The following GPC5 variants were observed in gnomAD, a reference collection of about 807,000 sequenced individuals.
GPC5 encodes the protein glypican-5.
In GPC5, 47 loss-of-function variants were observed where a neutral mutation model predicts 53.9. That is an observed-to-expected ratio of 0.87 (90% CI 0.69 to 1.11). GPC5 has a LOEUF of 1.11. GPC5 is among the 50% of genes most tolerant of loss of function. GPC5 has a pLI of 0.00. For missense variants in GPC5, 748 were observed against 713.1 expected, an observed-to-expected ratio of 1.05 and a Z score of -0.56; for synonymous variants, 286 against 263.3, an observed-to-expected ratio of 1.09 and a Z score of -0.84.
chr13:91,548,602 A>C (rs1463578256), intron 2 of GPC5, among the ~76,000 whole-genome samples: 1 of 152,216 alleles, frequency 6.6e-6, no homozygotes, highest in African/African-American at 2.4e-5. Flanking sequence ...AACATCAACC[A>C]ATTCTAAAGT....
intron 5 of GPC5, among the ~76,000 whole-genome samples, chr13:91,881,189 A>C (rs1232870106): frequency 6.6e-6 from 1 of 152,194 alleles, no homozygotes; most frequent in African/African-American, 2.4e-5. Context: ...TATTCTCTAA[A>C]CAAAAGGTGT....
chr13:92,272,271 AAC>A (rs2042845084), intron 7 of GPC5, among the ~76,000 whole-genome samples: 1 of 152,186 alleles, frequency 6.6e-6, no homozygotes, highest in East Asian at 1.9e-4. Context: ...GAAAGGTAGA[AAC>A]ACAGGAAAGA....
chr13:92,247,207 A>G (rs1036874844), intron 7 of GPC5, among the ~76,000 whole-genome samples: 12 of 152,192 alleles, frequency 7.9e-5, no homozygotes, highest in Non-Finnish European at 1.8e-4. Flanking sequence ...ATAATGTTAA[A>G]TACCTTTCAG....
At chr13:92,842,961 G>A (rs1878480772) in intron 7 of GPC5, among the ~76,000 whole-genome samples, 1 of 152,048 alleles carries the variant, frequency 6.6e-6, no homozygotes, top group Admixed American at 6.6e-5. Context: ...CAAATGAAAC[G>A]ACATAGATCC....
chr13:92,528,858 G>A (rs1327115907), intron 7 of GPC5, among the ~76,000 whole-genome samples: 1 of 151,720 alleles, frequency 6.6e-6, no homozygotes, highest in Non-Finnish European at 1.5e-5. Context: ...AATAGGGTTA[G>A]ACTATTTTCT....
At chr13:92,292,077 C>T (rs2043000702) in intron 7 of GPC5, among the ~76,000 whole-genome samples, 2 of 152,224 alleles carry the variant, frequency 1.3e-5, no homozygotes, top group South Asian at 4.1e-4. Flanking sequence ...TCTTTATCCA[C>T]TTGTTGATTG....
intron 6 of GPC5, among the ~76,000 whole-genome samples, chr13:92,108,774 ACT>A (rs1387551592): frequency 2.4e-4 from 37 of 151,732 alleles, no homozygotes; most frequent in Non-Finnish European, 4.0e-4. Flanking sequence ...CTCTCATCCT[ACT>A]CTGTTTCTAT....
intron 7 of GPC5, among the ~76,000 whole-genome samples, chr13:92,480,669 TG>T (rs1879313825): frequency 1.3e-5 from 2 of 152,194 alleles, no homozygotes; most frequent in South Asian, 4.1e-4. Flanking sequence ...AAAAACACTG[TG>T]GTAGATAGGA....
At chr13:92,551,550 G>A (rs1882312085) in intron 7 of GPC5, among the ~76,000 whole-genome samples, 1 of 151,838 alleles carries the variant, frequency 6.6e-6, no homozygotes, top group Non-Finnish European at 1.5e-5. Flanking sequence ...GAGCTATTAA[G>A]AGTCAGATAA....
At chr13:91,577,998 A>G (rs2032202306) in intron 2 of GPC5, among the ~76,000 whole-genome samples, 1 of 152,230 alleles carries the variant, frequency 6.6e-6, no homozygotes, top group African/African-American at 2.4e-5. Context: ...CTAGGCCATG[A>G]AAGATATTGT....
intron 7 of GPC5, among the ~76,000 whole-genome samples, chr13:92,635,660 T>A (rs931325729): frequency 5.9e-5 from 9 of 152,160 alleles, no homozygotes; most frequent in Non-Finnish European, 1.5e-5. Flanking sequence ...GGGAGAAAAA[T>A]TCACACTATA....
At chr13:91,997,385 C>T (rs960806196) in intron 6 of GPC5, among the ~76,000 whole-genome samples, 1 of 152,158 alleles carries the variant, frequency 6.6e-6, no homozygotes, top group Non-Finnish European at 1.5e-5. Context: ...AGCTTATTTT[C>T]CATCAGGTTT....
At chr13:91,727,279 C>T (rs1012867364) in intron 3 of GPC5, among the ~76,000 whole-genome samples, 4 of 152,152 alleles carry the variant, frequency 2.6e-5, no homozygotes, top group African/African-American at 4.8e-5. Flanking sequence ...AGTCTCATCC[C>T]GATGGATAGT....
intron 6 of GPC5, among the ~76,000 whole-genome samples, chr13:92,006,113 C>G (rs1349649375): frequency 6.6e-6 from 1 of 152,112 alleles, no homozygotes; most frequent in Admixed American, 6.5e-5. Flanking sequence ...TCTTACACCA[C>G]TGAGTTTGTA....
intron 2 of GPC5, among the ~76,000 whole-genome samples, chr13:91,579,107 T>C (rs1250783586): frequency 6.6e-6 from 1 of 152,116 alleles, no homozygotes; most frequent in Non-Finnish European, 1.5e-5. Context: ...ACAGAACCAA[T>C]GGTCATATTT....
At chr13:92,186,477 A>T (rs2139042045) in intron 7 of GPC5, among the ~76,000 whole-genome samples, 1 of 152,134 alleles carries the variant, frequency 6.6e-6, no homozygotes, top group South Asian at 2.1e-4. Context: ...ATTATATAAT[A>T]AATAGGTTTC....
At chr13:92,626,524 T>G (rs1885051460) in intron 7 of GPC5, among the ~76,000 whole-genome samples, 1 of 152,178 alleles carries the variant, frequency 6.6e-6, no homozygotes, top group Non-Finnish European at 1.5e-5. Flanking sequence ...TGTAAGCAGG[T>G]GCACTGGGTG....
intron 7 of GPC5, among the ~76,000 whole-genome samples, chr13:92,498,193 T>G (rs944028956): frequency 6.6e-6 from 1 of 151,982 alleles, no homozygotes; most frequent in Non-Finnish European, 1.5e-5. Flanking sequence ...AAAGATCAAG[T>G]GTTTGACCTT....
At chr13:92,182,692 C>A (rs1207003942) in intron 7 of GPC5, among the ~76,000 whole-genome samples, 1 of 151,030 alleles carries the variant, frequency 6.6e-6, no homozygotes, top group Non-Finnish European at 1.5e-5. Context: ...CGGTGAAACA[C>A]CGTCTCTACT....
Sources: allele counts gnomAD v4.1 joint callset (sites outside exome capture counted in the v4.1 genomes callset), GRCh38; gene constraint gnomAD v4.1.1; transcripts MANE v1.5; gene names NCBI Gene and HGNC (gene_info 2026-07-23, HGNC 2026-07-21).